The following FOXP1 variants were observed in gnomAD, a reference collection of about 807,000 sequenced individuals.
The protein encoded by FOXP1 is forkhead box protein P1.
FOXP1 carries 15 observed loss-of-function variants against 98.2 expected under a neutral mutation model. That is an observed-to-expected ratio of 0.15 (90% CI 0.10 to 0.24). The LOEUF is 0.24. FOXP1 is among the 10% of genes least tolerant of loss of function. The pLI, the probability that FOXP1 is intolerant of heterozygous loss-of-function variation, is 1.00. For missense variants in FOXP1, 633 were observed against 848.5 expected, an observed-to-expected ratio of 0.75 and a Z score of 3.15; for synonymous variants, 371 against 314.5, an observed-to-expected ratio of 1.18 and a Z score of -1.90.
At chr3:71,309,448 A>G (rs1360034630) in intron 4 of FOXP1, among the ~76,000 whole-genome samples, 1 of 151,956 alleles carries the variant, frequency 6.6e-6, no homozygotes, top group Non-Finnish European at 1.5e-5. Context: ...ACAAAAGTAA[A>G]TTCATAGCAG....
chr3:71,274,241 T>G (rs2070676629), intron 5 of FOXP1, among the ~76,000 whole-genome samples: 2 of 152,212 alleles, frequency 1.3e-5, no homozygotes, highest in African/African-American at 4.8e-5. Flanking sequence ...CCATTTTAAC[T>G]ATGTTGCAAA....
At chr3:71,442,020 A>T (rs1006776044) in intron 3 of FOXP1, among the ~76,000 whole-genome samples, 2 of 152,176 alleles carry the variant, frequency 1.3e-5, no homozygotes, top group African/African-American at 2.4e-5. Context: ...CTTCACCAGA[A>T]CCTTCCCATT....
chr3:70,973,912 G>GTGAATCT (rs1161554062), intron 17 of FOXP1, among the ~76,000 whole-genome samples: 1 of 139,448 alleles, frequency 7.2e-6, no homozygotes, highest in Non-Finnish European at 1.5e-5. Flanking sequence ...CTTAACGGTG[G>GTGAATCT]TGAATCTTGA....
intron 2 of FOXP1, among the ~76,000 whole-genome samples, chr3:71,557,801 G>C (rs781255937): frequency 2.0e-5 from 3 of 151,982 alleles, no homozygotes; most frequent in Non-Finnish European, 4.4e-5. Context: ...CTGCAAACCT[G>C]TATTTTTTAT....
At chr3:71,185,744 C>G (rs1212990608) in intron 6 of FOXP1, among the ~76,000 whole-genome samples, 2 of 152,204 alleles carry the variant, frequency 1.3e-5, no homozygotes, top group African/African-American at 4.8e-5. Flanking sequence ...GGAAAAGACA[C>G]AGCTTTGGGG....
At position 71,182,052 on chromosome 3, in the gene FOXP1, GAA is replaced by G. The variant is rs765407626; in HGVS notation, c.180+16148_180+16149del. ...TCCATCTCAAAAAAAAGAAAAAAAA[GAA>G]AAAAAAAGAAAAAGAAAACAAATGT... On this transcript the variant is annotated intron_variant, in intron 6 of 20. Coordinates refer to ENST00000649528, the MANE Select transcript of FOXP1 (RefSeq NM_001349338.3). Among the ~76,000 whole-genome samples the G allele has an allele frequency of 5.2e-5, 5 of 95,962 alleles. 1 individual carries two copies. Among genetic ancestry groups the G allele is most frequent in the Non-Finnish European group, 6.3e-5 (3 of 47,724 alleles). 63.0% of individuals were successfully genotyped at this position (95,962 alleles called of 152,430 possible).
chr3:71,480,521 A>T (rs180917525), intron 3 of FOXP1, among the ~76,000 whole-genome samples: 6 of 152,368 alleles, frequency 3.9e-5, no homozygotes, highest in Admixed American at 3.9e-4. Context: ...TAGTTTTGTC[A>T]AAAAGAAGTG....
At chr3:71,286,580 T>C (rs2072167718) in intron 5 of FOXP1, among the ~76,000 whole-genome samples, 1 of 152,140 alleles carries the variant, frequency 6.6e-6, no homozygotes, top group Admixed American at 6.6e-5. Context: ...ATATTTGGGA[T>C]AAATTAAACA....
intron 5 of FOXP1, among the ~76,000 whole-genome samples, chr3:71,230,330 C>A (rs968106517): frequency 1.3e-5 from 2 of 152,162 alleles, no homozygotes; most frequent in African/African-American, 4.8e-5. Flanking sequence ...GCATGTGGTG[C>A]TCCTGACTTC....
intron 6 of FOXP1, chr3:71,197,857 TTTTGCATG>T: frequency 6.2e-7 from 1 of 1,611,792 alleles, no homozygotes. Flanking sequence ...TAATTTTTAT[TTTTGCATG>T]AAAGCAGTGG....
chr3:71,298,563 G>A (rs1226491144), intron 5 of FOXP1, among the ~76,000 whole-genome samples: 1 of 152,158 alleles, frequency 6.6e-6, no homozygotes, highest in Non-Finnish European at 1.5e-5. Flanking sequence ...TTACTGGTTG[G>A]GAATCAATTC....
chr3:71,085,751 C>T (rs865898066), intron 7 of FOXP1, among the ~76,000 whole-genome samples: 3 of 2,208 alleles, frequency 1.4e-3, no homozygotes, highest in African/African-American at 2.7e-3. Context: ...TTTTTTTTTA[C>T]ATGGAGTCTC....
chr3:71,293,943 G>T (rs904387280), intron 5 of FOXP1, among the ~76,000 whole-genome samples: 1 of 152,068 alleles, frequency 6.6e-6, no homozygotes, highest in Admixed American at 6.6e-5. Context: ...GAACTCATGA[G>T]GTTTTAAGAC....
intron 11 of FOXP1, among the ~76,000 whole-genome samples, chr3:71,031,835 T>G (rs2046906768): frequency 6.6e-6 from 1 of 152,182 alleles, no homozygotes; most frequent in Non-Finnish European, 1.5e-5. Context: ...ATGGAGTCCT[T>G]ATGTTAACAC....
At chr3:71,582,544 A>G in intron 1 of FOXP1, 1 of 985,434 alleles carries the variant, frequency 1.0e-6, no homozygotes, top group Non-Finnish European at 1.2e-6. Context: ...CGGAGGGACG[A>G]GGCGACACGC....
Position 71,528,385 on chromosome 3 carries a change from C to T in FOXP1, c.-297-34830G>A, listed in dbSNP as rs561627906. On this transcript the variant is annotated intron_variant, in intron 2 of 20. Coordinates refer to ENST00000649528, the MANE Select transcript of FOXP1 (RefSeq NM_001349338.3). The stretch of plus-strand genomic sequence containing the variant: ...AAACAGGCACTTAACTAATTTTAAA[C>T]GCCTAATTATATACCGCCTAAACAG... Among the ~76,000 whole-genome samples the T allele has an allele frequency of 1.3e-4, 20 of 152,324 alleles. 1 individual carries two copies. Among genetic ancestry groups the T allele is most frequent in the Admixed American group, 8.5e-4 (13 of 15,308 alleles).
At chr3:71,086,231 G>A (rs2055083502) in intron 7 of FOXP1, among the ~76,000 whole-genome samples, 1 of 152,162 alleles carries the variant, frequency 6.6e-6, no homozygotes, top group African/African-American at 2.4e-5. Flanking sequence ...TGAAACCAGT[G>A]TCTCATGTTG....
chr3:71,199,734 C>T (rs112657363), intron 5 of FOXP1, among the ~76,000 whole-genome samples: 368 of 150,712 alleles, frequency 2.4e-3, no homozygotes, highest in Non-Finnish European at 3.9e-3. Context: ...GGTGAGACTC[C>T]GTCTCAAAAC....
intron 5 of FOXP1, among the ~76,000 whole-genome samples, chr3:71,295,795 C>A (rs913318987): frequency 1.3e-5 from 2 of 152,138 alleles, no homozygotes; most frequent in Non-Finnish European, 2.9e-5. Context: ...GCCACAGAAA[C>A]CTTTATTAGA....
Sources: allele counts gnomAD v4.1 joint callset (sites outside exome capture counted in the v4.1 genomes callset), GRCh38; gene constraint gnomAD v4.1.1; transcripts MANE v1.5; gene names NCBI Gene and HGNC (gene_info 2026-07-23, HGNC 2026-07-21).